Variants in DST observed in about 807,000 individuals in gnomAD.
The protein encoded by DST is bullous pemphigoid antigen.
DST carries 253 observed loss-of-function variants against 875.2 expected under a neutral mutation model. The ratio of observed to expected loss-of-function variants is 0.29; its 90% CI spans 0.26 to 0.32. DST has a LOEUF of 0.32. Among genes scored for constraint, DST ranks in the 10% least tolerant of loss-of-function variants. The pLI, the probability that DST is intolerant of heterozygous loss-of-function variation, is 1.00. For missense variants in DST, 8,287 were observed against 9,111.6 expected (o/e 0.91, Z 3.68); for synonymous variants, 3,124 against 3,197.1 (o/e 0.98, Z 0.77).
In DST at chr6:56,573,796, C is replaced by A; in HGVS notation, c.13119G>T (p.Val4373=). The A allele has an allele frequency of 2.5e-6, 4 of 1,613,600 alleles. No individual in the cohort carries two copies. The highest frequency in any genetic ancestry group is 3.4e-6 in the Non-Finnish European group (4 of 1,179,688). ...CCAGCATTTCATCCAAGCCATCCTG[C>A]ACACTCAGTGAACGGGTCAAGGTTA... The part of the protein sequence containing the change: ...LQITLTRSLS[V]QDGLDEMLDW... Residue 4373 remains valine (V), a synonymous_variant, in exon 51 of 104, where the codon GTG becomes GTT. Coordinates refer to ENST00000680361, the MANE Select transcript of DST (RefSeq NM_001374736.1).
chr6:56,913,790 C>T (rs1799728081), intron 2 of DST, among the ~76,000 whole-genome samples: 1 of 152,200 alleles, frequency 6.6e-6, no homozygotes, highest in Admixed American at 6.5e-5. Context: ...CGTGTCTACT[C>T]CATCTGTTTG....
chr6:56,691,940 T>C (rs1285944816), intron 9 of DST, among the ~76,000 whole-genome samples: 1 of 152,212 alleles, frequency 6.6e-6, no homozygotes, highest in African/African-American at 2.4e-5. Flanking sequence ...TTCAAACTCA[T>C]GAATCAGCAA....
At chr6:56,621,933 T>C (rs986364008) in intron 36 of DST, among the ~76,000 whole-genome samples, 14 of 152,324 alleles carry the variant, frequency 9.2e-5, no homozygotes, top group South Asian at 2.1e-4. Flanking sequence ...GATGAGAATT[T>C]CAGTTGTTTT....
At chr6:56,884,664 G>T (rs185972948) in intron 3 of DST, among the ~76,000 whole-genome samples, 11 of 152,184 alleles carry the variant, frequency 7.2e-5, no homozygotes, top group Non-Finnish European at 1.2e-4. Flanking sequence ...TACTCCTGGT[G>T]CTGACATGAT....
At chr6:56,502,657 A>C (rs1310470618) in intron 78 of DST, among the ~76,000 whole-genome samples, 1 of 152,096 alleles carries the variant, frequency 6.6e-6, no homozygotes, top group Non-Finnish European at 1.5e-5. Context: ...AAAATAACCA[A>C]AATAAATTAT....
intron 4 of DST, among the ~76,000 whole-genome samples, chr6:56,811,102 T>C (rs1488371608): frequency 6.8e-6 from 1 of 147,330 alleles, no homozygotes; most frequent in Non-Finnish European, 1.5e-5. Flanking sequence ...GAGGATCACT[T>C]GAGCCTGGAA....
intron 88 of DST, among the ~76,000 whole-genome samples, 153 bp from the exon 89 acceptor site, chr6:56,483,030 T>TA: frequency 6.6e-6 from 1 of 152,332 alleles, no homozygotes; most frequent in Middle Eastern, 3.4e-3. Context: ...CTTCAGAAGA[T>TA]AAATGACACA....
chr6:56,642,010 T>G lies in DST; in HGVS notation c.1964A>C (p.His655Pro), dbSNP rs1236723592. 6 of 1,613,438 alleles carry G rather than the reference T, an allele frequency of 3.7e-6. No individual in the cohort carries two copies. Among genetic ancestry groups the G allele is most frequent in the Non-Finnish European group, 4.2e-6 (5 of 1,179,616 alleles). ...ILECENLLRQ[H>P]VIDVQILIDG... ...AATAAGAATCTGTACATCAATTACA[T>G]GCTGGCGTAAAAGGTTCTCACATTC... The change falls in exon 17 of 104, where the codon CAT becomes CCT. Residue 655 changes from histidine to proline, a missense_variant. Around this residue, in one of 10 missense-constraint regions of DST, gnomAD observed 1,160 missense variants for 1,424.3 expected, o/e 0.81. Coordinates refer to ENST00000680361, the MANE Select transcript of DST (RefSeq NM_001374736.1).
chr6:56,702,369 A>G (rs1352416852), intron 7 of DST, among the ~76,000 whole-genome samples: 3 of 151,084 alleles, frequency 2.0e-5, no homozygotes, highest in African/African-American at 7.4e-5. Context: ...GAGGGTTTTT[A>G]TAACTGTATA....
At chr6:56,905,514 CT>C (rs2127703014) in intron 2 of DST, among the ~76,000 whole-genome samples, 1 of 152,242 alleles carries the variant, frequency 6.6e-6, no homozygotes, top group East Asian at 1.9e-4. Flanking sequence ...CAGTATTTGT[CT>C]TTCTGTGACT....
intron 9 of DST, among the ~76,000 whole-genome samples, chr6:56,676,418 G>A (rs1336579394): frequency 6.6e-6 from 1 of 152,076 alleles, no homozygotes; most frequent in East Asian, 1.9e-4. Context: ...TTGCACTGTT[G>A]GTGGGAATGT....
At position 56,625,274 on chromosome 6, in the gene DST, G is replaced by C. The variant is rs2098723284; in HGVS notation, c.4723-10C>G. On this transcript the variant is annotated splice_polypyrimidine_tract_variant and intron_variant, in intron 34 of 103. Coordinates refer to ENST00000680361, the MANE Select transcript of DST (RefSeq NM_001374736.1). ...TTTGTAATTCATAGTCCTGTATAAA[G>C]GAGTCAATAAGATAAAATGAATTGA... 1.3e-6 allele frequency: 2 copies of C among 1,561,864 alleles called. No individual in the cohort carries two copies. The highest frequency in any genetic ancestry group is 1.8e-6 in the Non-Finnish European group (2 of 1,132,756).
At chr6:56,460,300 C>T (rs1429354728) in intron 102 of DST, 46 bp from the exon 103 acceptor site, 2 of 1,605,586 alleles carry the variant, frequency 1.2e-6, no homozygotes, top group Admixed American at 1.7e-5. Flanking sequence ...TGCTCCTGTA[C>T]CATGATATTC....
At chr6:56,694,092 T>C (rs1464610191) in intron 9 of DST, among the ~76,000 whole-genome samples, 2 of 150,392 alleles carry the variant, frequency 1.3e-5, no homozygotes, top group African/African-American at 4.9e-5. Flanking sequence ...ATGTAACTTT[T>C]ATAATCATAC....
chr6:56,787,930 C>T (rs1026801700), intron 4 of DST, among the ~76,000 whole-genome samples: 5 of 151,362 alleles, frequency 3.3e-5, no homozygotes, highest in Non-Finnish European at 5.9e-5. Flanking sequence ...CCTGAGGTCA[C>T]GAGTTCAAGA....
chr6:56,728,469 A>C (rs1448367685), intron 5 of DST, among the ~76,000 whole-genome samples: 35 of 152,162 alleles, frequency 2.3e-4, no homozygotes, highest in Non-Finnish European at 8.8e-5. Context: ...CTAGGGAGAC[A>C]AAGGCAGCAG....
chr6:56,528,926 C>G lies in DST; in HGVS notation c.17596-1G>C. On this transcript the variant is annotated splice_acceptor_variant, in intron 66 of 103. Coordinates refer to ENST00000680361, the MANE Select transcript of DST (RefSeq NM_001374736.1). LOFTEE classifies it high-confidence loss of function. ...TGAGTAAGATGTCCTCTTGCAGAACCTGAAAACACAGGTACCATTTTTATG... is the reference window on the plus strand; with the variant it reads ...TGAGTAAGATGTCCTCTTGCAGAACGTGAAAACACAGGTACCATTTTTATG... 6.4e-7 allele frequency: 1 copy of G among 1,574,006 alleles called. No individual in the cohort carries two copies. Among genetic ancestry groups the G allele is most frequent in the Non-Finnish European group, 8.6e-7 (1 of 1,156,224 alleles).
Position 56,605,737 on chromosome 6 carries a change from A to G in DST, c.8891T>C (p.Ile2964Thr), listed in dbSNP as rs2098489461. ...CAATTCTGGCAATTCTGACCCTTGA[A>G]TCAACTTAACCTTTGTGTTTGCTAG... ...TDLANTKVKL[I>T]QGSELPELTD... The change falls in exon 40 of 104, where the codon ATT (isoleucine) becomes ACT (threonine). Residue 2964 changes from isoleucine (I) to threonine (T), a missense_variant. Around this residue, in one of 10 missense-constraint regions of DST, gnomAD observed 3,138 missense variants for 3,116.6 expected, o/e 1.01. Transcript: ENST00000680361. The G allele has an allele frequency of 6.2e-7, 1 of 1,612,732 alleles. No homozygotes were observed. The highest frequency in any genetic ancestry group is 1.7e-5 in the Admixed American group (1 of 59,824).
intron 4 of DST, chr6:56,843,046 A>G: frequency 6.9e-7 from 1 of 1,457,402 alleles, no homozygotes; most frequent in Non-Finnish European, 9.2e-7. Context: ...CAGGGCAGGG[A>G]CCACATACCT....
Sources: allele counts gnomAD v4.1 joint callset (sites outside exome capture counted in the v4.1 genomes callset), GRCh38; gene constraint gnomAD v4.1.1; regional missense constraint gnomAD v4.1.1; transcripts MANE v1.5; gene names NCBI Gene and HGNC (gene_info 2026-07-23, HGNC 2026-07-21).